GRIK1: variants seen among roughly 807,000 people sequenced by gnomAD.
GRIK1 encodes glutamate receptor ionotropic, kainate 1.
A neutral mutation model predicts 105.7 loss-of-function variants in GRIK1; 69 were observed. The ratio of observed to expected loss-of-function variants is 0.65; its 90% CI spans 0.54 to 0.80. GRIK1 has a LOEUF of 0.80. Among genes scored for constraint, GRIK1 ranks in the 30% least tolerant of loss-of-function variants. GRIK1 has a pLI of 0.00. For missense variants in GRIK1, 1,109 were observed against 1,167.3 expected, an observed-to-expected ratio of 0.95 and a Z score of 0.73; for synonymous variants, 438 against 431.3, an observed-to-expected ratio of 1.02 and a Z score of -0.19.
intron 16 of GRIK1, among the ~76,000 whole-genome samples, chr21:29,544,945 G>T (rs2090027664): frequency 6.6e-6 from 1 of 152,214 alleles, no homozygotes; most frequent in African/African-American, 2.4e-5. Context: ...CCTGATAGGT[G>T]TGGGGACCTG....
chr21:29,853,053 A>T (rs1489145362), intron 1 of GRIK1, among the ~76,000 whole-genome samples: 1 of 152,204 alleles, frequency 6.6e-6, no homozygotes, highest in African/African-American at 2.4e-5. Flanking sequence ...TAGTGAAAAT[A>T]TTCTTTTATA....
intron 14 of GRIK1, among the ~76,000 whole-genome samples, chr21:29,570,494 T>C (rs556428872): frequency 6.7e-6 from 1 of 148,338 alleles, no homozygotes; most frequent in Non-Finnish European, 1.5e-5. Context: ...AGGGTGAGAC[T>C]CCATCTCAAA....
intron 1 of GRIK1, among the ~76,000 whole-genome samples, chr21:29,771,116 T>G (rs149400951): frequency 6.6e-6 from 1 of 152,322 alleles, no homozygotes; most frequent in African/African-American, 2.4e-5. Flanking sequence ...ATGCCAACAG[T>G]TTTTAAACAT....
chr21:29,571,614 A>G (rs1401837079), intron 14 of GRIK1, among the ~76,000 whole-genome samples: 1 of 152,226 alleles, frequency 6.6e-6, no homozygotes, highest in African/African-American at 2.4e-5. Context: ...GACAAACTTC[A>G]CTAAGCACAT....
intron 1 of GRIK1, among the ~76,000 whole-genome samples, chr21:29,784,017 G>C (rs410134): frequency 0.59 from 89,268 of 152,018 alleles, 28,242 homozygotes; most frequent in African/African-American, 0.85. Context: ...ACTGCAAGCT[G>C]TGCCTCCCGG....
At chr21:29,792,153 T>A (rs1456340917) in intron 1 of GRIK1, among the ~76,000 whole-genome samples, 1 of 152,166 alleles carries the variant, frequency 6.6e-6, no homozygotes, top group African/African-American at 2.4e-5. Context: ...ATGTATTGTG[T>A]ATATGTGTAT....
rs995602750 is a variant in GRIK1, at chr21:29,766,505, A to G, written c.119-72442T>C. On this transcript the variant is annotated intron_variant, in intron 1 of 17. Coordinates refer to ENST00000327783, the MANE Select transcript of GRIK1 (RefSeq NM_001330994.2). ...CCCATCTCTTCAAGCCAGAAAATAC[A>G]TAAGACCTGGTTGAGAGGCCTGCAA... Among the ~76,000 whole-genome samples the G allele has an allele frequency of 5.9e-5, 9 of 152,320 alleles. 1 individual carries two copies. Among genetic ancestry groups the G allele is most frequent in the South Asian group, 4.1e-4 (2 of 4,830 alleles).
At chr21:29,583,622 A>AT (rs2091069402) in intron 12 of GRIK1, among the ~76,000 whole-genome samples, 1 of 152,104 alleles carries the variant, frequency 6.6e-6, no homozygotes, top group African/African-American at 2.4e-5. Context: ...AATTAATCTA[A>AT]TTTTTGTGTG....
intron 1 of GRIK1, among the ~76,000 whole-genome samples, chr21:29,869,633 C>T (rs1319278606): frequency 6.6e-6 from 1 of 152,168 alleles, no homozygotes; most frequent in African/African-American, 2.4e-5. Context: ...AATTGGGAAG[C>T]AGTGTGTATC....
rs529822067 is a variant in GRIK1 at position 29,859,200 on chromosome 21, C to T, written c.118+80183G>A. ...ACACAGGAAGGGGAACATCACACACCGGGGCCTGTTGTGGGGTGGGGGGAG... is the reference window on the plus strand; with the variant it reads ...ACACAGGAAGGGGAACATCACACACTGGGGCCTGTTGTGGGGTGGGGGGAG... On this transcript the variant is annotated intron_variant, in intron 1 of 17. Coordinates refer to ENST00000327783, the MANE Select transcript of GRIK1 (RefSeq NM_001330994.2). Among the ~76,000 whole-genome samples, 254 of 113,380 alleles carry T rather than the reference C, an allele frequency of 2.2e-3. 1 individual carries two copies. Among genetic ancestry groups the T allele is most frequent in the East Asian group, 4.9e-3 (17 of 3,482 alleles). 74.4% of individuals were successfully genotyped at this position (113,380 alleles called of 152,430 possible).
chr21:29,891,108 A>T lies in GRIK1; in HGVS notation c.118+48275T>A, dbSNP rs74922373. Among the ~76,000 whole-genome samples the T allele has an allele frequency of 1.5e-3, 222 of 152,286 alleles. 1 individual carries two copies. The highest frequency in any genetic ancestry group is 5.1e-3 in the African/African-American group (214 of 41,562). Reference sequence around the variant, plus strand: ...TCAGTGGACTATTTGGTACATTAAGATACAAGTTCTGTCAGAATGAAACTA... The same window carrying T: ...TCAGTGGACTATTTGGTACATTAAGTTACAAGTTCTGTCAGAATGAAACTA... On this transcript the variant is annotated intron_variant, in intron 1 of 17. Transcript: ENST00000327783.
chr21:29,836,050 C>T (rs1374484743), intron 1 of GRIK1, among the ~76,000 whole-genome samples: 1 of 152,326 alleles, frequency 6.6e-6, no homozygotes, highest in Non-Finnish European at 1.5e-5. Context: ...CACTCTTCAC[C>T]AAGCCTGGCA....
intron 4 of GRIK1, among the ~76,000 whole-genome samples, chr21:29,659,521 G>C (rs944222069): frequency 5.3e-5 from 8 of 152,168 alleles, no homozygotes; most frequent in African/African-American, 1.9e-4. Flanking sequence ...CAGCGGGGGA[G>C]TGTCTTGTAC....
intron 1 of GRIK1, among the ~76,000 whole-genome samples, chr21:29,785,732 A>G (rs1357207412): frequency 6.6e-6 from 1 of 152,116 alleles, no homozygotes; most frequent in Non-Finnish European, 1.5e-5. Context: ...AATGAACAGA[A>G]ACTTGGTGGC....
chr21:29,545,292 A>G (rs377450796), intron 16 of GRIK1, among the ~76,000 whole-genome samples: 36 of 152,252 alleles, frequency 2.4e-4, no homozygotes, highest in African/African-American at 8.4e-4. Context: ...AGTGGCAGAA[A>G]TGTGGGTTTG....
chr21:29,586,008 G>A lies in GRIK1; in HGVS notation c.1793+1358C>T, dbSNP rs1026717615. 7.2e-5 allele frequency among the ~76,000 whole-genome samples: 11 copies of A among 152,190 alleles called. No homozygotes were observed. In the East Asian group the frequency reaches 1.4e-3, roughly 19 times the overall value. ...GATACCAATAGCACTCCCTACTACC[G>A]GCCATGACAACTAAAAAAATGTTTG... On this transcript the variant is annotated intron_variant, in intron 12 of 17. Coordinates refer to ENST00000327783, the MANE Select transcript of GRIK1 (RefSeq NM_001330994.2).
At chr21:29,544,284 A>G (rs891142720) in intron 16 of GRIK1, among the ~76,000 whole-genome samples, 4 of 152,210 alleles carry the variant, frequency 2.6e-5, no homozygotes, top group Non-Finnish European at 5.9e-5. Flanking sequence ...TGCACAATCC[A>G]TAGGGATTCT....
chr21:29,788,739 G>A (rs897395077), intron 1 of GRIK1, among the ~76,000 whole-genome samples: 6 of 152,290 alleles, frequency 3.9e-5, no homozygotes, highest in Admixed American at 6.5e-5. Context: ...AGTCTCATCT[G>A]AGGGTGATGG....
chr21:29,734,426 T>TTTTC (rs1284335668), intron 1 of GRIK1, among the ~76,000 whole-genome samples: 1,462 of 20,888 alleles, frequency 0.07, 184 homozygotes, highest in Non-Finnish European at 0.11. Flanking sequence ...CTTTTCTTTT[T>TTTTC]GAGACAGAGT....
Sources: allele counts gnomAD v4.1 joint callset (sites outside exome capture counted in the v4.1 genomes callset), GRCh38; gene constraint gnomAD v4.1.1; transcripts MANE v1.5; gene names NCBI Gene and HGNC (gene_info 2026-07-23, HGNC 2026-07-21).